The following DNAH9 variants were observed in gnomAD, a reference collection of about 807,000 sequenced individuals.
DNAH9 encodes the protein DNAH9 variant protein.
In DNAH9, 345 loss-of-function variants were observed where a neutral mutation model predicts 471.6. The ratio of observed to expected loss-of-function variants is 0.73; its 90% confidence interval spans 0.67 to 0.80. DNAH9 has a LOEUF of 0.80. DNAH9 is among the 30% of genes least tolerant of loss of function. The pLI is 0.00. For missense variants in DNAH9, 5,407 were observed against 5,609.2 expected (o/e 0.96, Z 1.15); for synonymous variants, 2,093 against 2,123.6 (o/e 0.99, Z 0.40).
chr17:11,804,873 C>CAAA (rs534191844), intron 43 of DNAH9, among the ~76,000 whole-genome samples: 22 of 101,582 alleles, frequency 2.2e-4, no homozygotes, highest in African/African-American at 7.5e-4. Context: ...GACTCTGTCT[C>CAAA]AAAAAAAAAA....
intron 8 of DNAH9, among the ~76,000 whole-genome samples, chr17:11,633,221 A>G (rs1267081876): frequency 2.0e-5 from 3 of 152,198 alleles, no homozygotes; most frequent in Admixed American, 2.0e-4. Context: ...ACAGCTGAGA[A>G]CGCTGCATCG....
At chr17:11,731,768 AT>A (rs756160892) in intron 28 of DNAH9, among the ~76,000 whole-genome samples, 1 of 151,908 alleles carries the variant, frequency 6.6e-6, no homozygotes, top group Non-Finnish European at 1.5e-5. Flanking sequence ...CATGGTGTAT[AT>A]GTGCCACATT....
intron 39 of DNAH9, among the ~76,000 whole-genome samples, chr17:11,782,498 T>C (rs1017377449): frequency 6.6e-6 from 1 of 152,168 alleles, no homozygotes; most frequent in African/African-American, 2.4e-5. Context: ...CACCCTCCTG[T>C]TACATCTTAC....
rs1567882075 is a variant in DNAH9, at chr17:11,894,402, CA to C, written c.11313del (p.Val3772TrpfsTer46). On this transcript the variant is annotated frameshift_variant, in exon 59 of 69. Transcript: ENST00000262442. LOFTEE classifies it high-confidence loss of function. ...QILLMNREVNAVELDFLLRSP... is the reference protein window; with the variant it reads ...QILLMNREVNXVELDFLLRSP... ...CTCCTCATGAACCGAGAAGTCAATG[CA>C]GTGGAGTTGGATTTCCTGCTTCGAT... 1.9e-6 allele frequency: 3 copies of C among 1,614,058 alleles called. No homozygotes were observed.
At chr17:11,725,462 C>T (rs977077703) in intron 27 of DNAH9, among the ~76,000 whole-genome samples, 1 of 152,234 alleles carries the variant, frequency 6.6e-6, no homozygotes, top group Non-Finnish European at 1.5e-5. Flanking sequence ...AGAACAATCT[C>T]TGGCACATAG....
chr17:11,823,660 G>A lies in DNAH9; in HGVS notation c.9246+626G>A, dbSNP rs553887568. 3.3e-5 allele frequency among the ~76,000 whole-genome samples: 5 copies of A among 152,276 alleles called. No individual in the cohort carries two copies. In the East Asian group the frequency reaches 5.8e-4, roughly 18 times the overall value. The stretch of plus-strand genomic sequence containing the variant: ...AAGAAGGCCCCTGTCGGCCGGGCAC[G>A]GTGGCTCACGCCTGTAATCCCAGCA... On this transcript the variant is annotated intron_variant, in intron 48 of 68. Transcript: ENST00000262442.
intron 22 of DNAH9, 55 bp from the exon 23 acceptor site, chr17:11,699,676 A>G (rs1245283304): frequency 6.5e-7 from 1 of 1,545,346 alleles, no homozygotes; most frequent in Non-Finnish European, 8.9e-7. Context: ...AACAATTCTA[A>G]TAAGCAGCTT....
At position 11,742,272 on chromosome 17, in the gene DNAH9, A is replaced by G; in HGVS notation, c.6070A>G (p.Ile2024Val). 1 of 1,614,194 alleles carries G rather than the reference A, an allele frequency of 6.2e-7. No individual in the cohort carries two copies. Among genetic ancestry groups the G allele is most frequent in the Non-Finnish European group, 8.5e-7 (1 of 1,180,010 alleles). ...AGCCCAGTCATTAGCCAGAAAGTTC[A>G]TCACTCTTTACCAGTTGTGCAAAGA... ...IEAQSLARKF[I>V]TLYQLCKELL... The change falls in exon 30 of 69, where the codon ATC becomes GTC. Residue 2024 changes from isoleucine (I) to valine (V), a missense_variant. Transcript: ENST00000262442.
intron 26 of DNAH9, among the ~76,000 whole-genome samples, chr17:11,718,398 C>T (rs9903569): frequency 0.027 from 4,138 of 152,320 alleles, 135 homozygotes; most frequent in South Asian, 0.11. Context: ...ACAAGGGCTA[C>T]GAACAGGTAG....
intron 36 of DNAH9, 80 bp from the exon 37 acceptor site, chr17:11,768,373 T>C: frequency 7.0e-7 from 1 of 1,436,998 alleles, no homozygotes; most frequent in South Asian, 1.3e-5. Context: ...GCCCTGACCT[T>C]CTATCTGACG....
chr17:11,802,112 C>G (rs1383329181), intron 43 of DNAH9, among the ~76,000 whole-genome samples: 1 of 152,180 alleles, frequency 6.6e-6, no homozygotes, highest in Non-Finnish European at 1.5e-5. Flanking sequence ...CCACCCGTTA[C>G]TTTATCCTCG....
At chr17:11,657,748 T>C (rs992457297) in intron 14 of DNAH9, among the ~76,000 whole-genome samples, 3 of 152,020 alleles carry the variant, frequency 2.0e-5, no homozygotes, top group African/African-American at 7.2e-5. Flanking sequence ...GAGTTCATTG[T>C]TTTCCATAGT....
At chr17:11,716,525 C>A (rs527393862) in intron 26 of DNAH9, among the ~76,000 whole-genome samples, 1 of 152,174 alleles carries the variant, frequency 6.6e-6, no homozygotes, top group East Asian at 1.9e-4. Flanking sequence ...TCCCTTCCAT[C>A]TCTGGAGTTC....
intron 45 of DNAH9, among the ~76,000 whole-genome samples, chr17:11,815,822 A>G (rs1170261001): frequency 2.0e-5 from 3 of 152,044 alleles, no homozygotes; most frequent in Non-Finnish European, 4.4e-5. Flanking sequence ...ACAAACAAAA[A>G]CACTGTAATT....
Position 11,892,032 on chromosome 17 carries a change from C to A in DNAH9, c.11283+85C>A. 6.9e-7 allele frequency: 1 copy of A among 1,455,440 alleles called. No individual in the cohort carries two copies. Among genetic ancestry groups the A allele is most frequent in the Non-Finnish European group, 9.5e-7 (1 of 1,054,654 alleles). 90.2% of individuals were successfully genotyped at this position (1,455,440 alleles called of 1,614,324 possible). A position where few individuals can be genotyped will look rare whatever the true frequency, so the allele number is the denominator to read the frequency against. ...GTGTTAAGAAACTTTCTTCTTTGAACATCACTTTCCACAGCATGTCCAGAC... is the reference window on the plus strand; with the variant it reads ...GTGTTAAGAAACTTTCTTCTTTGAAAATCACTTTCCACAGCATGTCCAGAC... On this transcript the variant is annotated intron_variant, in intron 58 of 68. Coordinates refer to ENST00000262442, the MANE Select transcript of DNAH9 (RefSeq NM_001372.4). The surrounding 1 kb of genome is among the most constrained non-coding windows in gnomAD (Gnocchi z 4.3).
chr17:11,871,759 T>G lies in DNAH9; in HGVS notation c.10215T>G (p.Thr3405=). The G allele has an allele frequency of 6.2e-7, 1 of 1,614,142 alleles. No individual in the cohort carries two copies. Among genetic ancestry groups the G allele is most frequent in the African/African-American group, 1.3e-5 (1 of 75,018 alleles). Residue 3405 remains threonine, a synonymous_variant, in exon 52 of 69, where the codon ACT becomes ACG. Coordinates refer to ENST00000262442, the MANE Select transcript of DNAH9 (RefSeq NM_001372.4). ...ACCGGCAGAGCCTCCTGGACAGAAC[T>G]TGGAGGCCCTACCTGAGCCAGCTGA... ...KKYRQSLLDR[T]WRPYLSQLKT...
At chr17:11,660,336 T>TC (rs2073735756) in intron 14 of DNAH9, among the ~76,000 whole-genome samples, 1 of 121,998 alleles carries the variant, frequency 8.2e-6, no homozygotes, top group Non-Finnish European at 1.9e-5. Context: ...TTTTTTTTTT[T>TC]TTTTGAGACA....
intron 30 of DNAH9, 50 bp from the exon 31 acceptor site, chr17:11,744,747 A>G (rs1219496584): frequency 1.3e-5 from 19 of 1,519,272 alleles, no homozygotes; most frequent in Non-Finnish European, 1.7e-5. Flanking sequence ...CACTCACCCC[A>G]GCACATGGTG....
intron 14 of DNAH9, among the ~76,000 whole-genome samples, chr17:11,658,256 G>GT (rs2073690943): frequency 6.6e-6 from 1 of 151,966 alleles, no homozygotes; most frequent in Non-Finnish European, 1.5e-5. Flanking sequence ...CTAGCACCAA[G>GT]TTTTTTATGT....
Sources: gnomAD v4.1 joint callset for allele counts (sites outside exome capture counted in the v4.1 genomes callset) on GRCh38, gnomAD v4.1.1 for gene constraint, Gnocchi (gnomAD v3.1) non-coding constraint, MANE v1.5 for transcripts, NCBI Gene and HGNC (gene_info 2026-07-23, HGNC 2026-07-21) for gene names.